Variants in CDC37L1 observed in about 807,000 individuals in gnomAD.
CDC37L1 encodes the protein hsp90 co-chaperone Cdc37-like 1.
A neutral mutation model predicts 45.9 loss-of-function variants in CDC37L1; 32 were observed. That is an observed-to-expected ratio of 0.70 (90% CI 0.53 to 0.94). CDC37L1 has a LOEUF of 0.94. Among genes scored for constraint, CDC37L1 ranks in the 40% least tolerant of loss-of-function variants. The pLI, the probability that CDC37L1 is intolerant of heterozygous loss-of-function variation, is 0.00. For synonymous variants in CDC37L1, 150 were observed against 133.0 expected (o/e 1.13, Z -0.88); for missense variants, 434 against 405.7 (o/e 1.07, Z -0.60).
At chr9:4,697,526 G>A (rs1443737014) in intron 4 of CDC37L1, among the ~76,000 whole-genome samples, 1 of 151,706 alleles carries the variant, frequency 6.6e-6, no homozygotes. Flanking sequence ...AATCCAGACG[G>A]TAATCATGGT....
chr9:4,683,028 TA>T (rs559681028), intron 1 of CDC37L1, among the ~76,000 whole-genome samples: 1,620 of 143,226 alleles, frequency 0.011, 33 homozygotes, highest in African/African-American at 0.039. Flanking sequence ...ATATATATTA[TA>T]TTTATATATA....
chr9:4,708,073 G>C lies in CDC37L1; in HGVS notation c.*1961G>C, dbSNP rs759234361. The C allele has an allele frequency of 1.6e-4, 25 of 152,322 alleles. No homozygotes were observed. Among genetic ancestry groups the C allele is most frequent in the Non-Finnish European group, 3.5e-4 (24 of 68,026 alleles). The allele number at this position is 152,322 out of a possible 1,614,324, so 9.4% of individuals were successfully genotyped here. A position where few individuals can be genotyped will look rare whatever the true frequency, so the allele number is the denominator to read the frequency against. On this transcript the variant is annotated 3_prime_UTR_variant, in exon 7 of 7. Transcript: ENST00000381854. ...TACTGTGTTTTGAGTATGAAAGTGTGATTGGGTCTGTTGTGGGAACCACTG... is the reference window on the plus strand; with the variant it reads ...TACTGTGTTTTGAGTATGAAAGTGTCATTGGGTCTGTTGTGGGAACCACTG...
chr9:4,697,996 A>T (rs376013391), intron 5 of CDC37L1, 117 bp downstream of exon 5: 1 of 950,116 alleles, frequency 1.1e-6, no homozygotes, highest in African/African-American at 1.7e-5. Flanking sequence ...AATTCTGTAG[A>T]TTTTCTTGTG....
At chr9:4,702,416 A>G (rs1183223976) in intron 6 of CDC37L1, among the ~76,000 whole-genome samples, 1 of 152,218 alleles carries the variant, frequency 6.6e-6, no homozygotes, top group Non-Finnish European at 1.5e-5. Flanking sequence ...GTGGACATGC[A>G]CATGGAACCA....
In CDC37L1 at chr9:4,697,201, A is replaced by C; in HGVS notation, c.614A>C (p.Glu205Ala). The C allele has an allele frequency of 6.9e-7, 1 of 1,445,070 alleles. No homozygotes were observed. The highest frequency in any genetic ancestry group is 9.7e-7 in the Non-Finnish European group (1 of 1,027,778). 89.5% of individuals were successfully genotyped at this position (1,445,070 alleles called of 1,614,324 possible). ...CTTATTTTATGGTGTTTTCACCTGG[A>C]AGCTGAGAAGGTATTATTATGTGAA... The part of the protein sequence containing the change: ...KYLILWCFHL[E>A]AEKKGALMEQ... Residue 205 changes from glutamate to alanine, a missense_variant, in exon 4 of 7, where the codon GAA becomes GCA. Coordinates refer to ENST00000381854, the MANE Select transcript of CDC37L1 (RefSeq NM_017913.4).
chr9:4,681,452 C>G (rs1841192773), intron 1 of CDC37L1, among the ~76,000 whole-genome samples: 1 of 152,148 alleles, frequency 6.6e-6, no homozygotes, highest in Non-Finnish European at 1.5e-5. Flanking sequence ...CGAGACCAGC[C>G]TGACCAACAT....
intron 6 of CDC37L1, chr9:4,703,035 T>C: frequency 4.0e-6 from 6 of 1,516,850 alleles, no homozygotes; most frequent in Non-Finnish European, 5.3e-6. Context: ...TCCTACCCAT[T>C]TGATTTTACT....
chr9:4,679,815 C>G lies in CDC37L1; in HGVS notation c.48C>G (p.Ala16=), dbSNP rs1841170093. Residue 16 remains alanine (A), a synonymous_variant, in exon 1 of 7, where the codon GCC becomes GCG. Transcript: ENST00000381854. ...CGGGACCCTGGAGCCTCCCTCGGGCCGAGGGTGAGGCTGAGGAAGAGAGTG... is the reference window on the plus strand; with the variant it reads ...CGGGACCCTGGAGCCTCCCTCGGGCGGAGGGTGAGGCTGAGGAAGAGAGTG... ...PPPGPWSLPR[A]EGEAEEESDF... The G allele has an allele frequency of 6.2e-7, 1 of 1,613,832 alleles. No individual in the cohort carries two copies. The highest frequency in any genetic ancestry group is 8.5e-7 in the Non-Finnish European group (1 of 1,179,914).
intron 6 of CDC37L1, chr9:4,703,135 T>A (rs1009553953): frequency 2.6e-6 from 4 of 1,517,188 alleles, no homozygotes; most frequent in Non-Finnish European, 3.5e-6. Context: ...GTTGTCTACA[T>A]TGTGAGAAGG....
chr9:4,701,812 G>A, intron 5 of CDC37L1, 52 bp from the exon 6 acceptor site: 1 of 1,379,840 alleles, frequency 7.2e-7, no homozygotes, highest in Non-Finnish European at 1.0e-6. Context: ...AATTTACTAT[G>A]TCTAGAAATC....
At chr9:4,703,526 A>G (rs1285241543) in intron 6 of CDC37L1, among the ~76,000 whole-genome samples, 1 of 152,180 alleles carries the variant, frequency 6.6e-6, no homozygotes, top group East Asian at 1.9e-4. Context: ...TTCAGTTCCT[A>G]AGAAATAGCC....
intron 3 of CDC37L1, among the ~76,000 whole-genome samples, chr9:4,696,075 C>T (rs557046015): frequency 1.3e-5 from 2 of 152,266 alleles, no homozygotes; most frequent in South Asian, 2.1e-4. Flanking sequence ...CATGAGCCAC[C>T]GTGGCTGGCC....
rs1841446571 is a variant in CDC37L1, at chr9:4,706,784, T to A, written c.*672T>A. 1 of 152,184 alleles carries A rather than the reference T, an allele frequency of 6.6e-6. No homozygotes were observed. The highest frequency in any genetic ancestry group is 1.5e-5 in the Non-Finnish European group (1 of 68,010). 9.4% of individuals were successfully genotyped at this position (152,184 alleles called of 1,614,324 possible). A position where few individuals can be genotyped will look rare whatever the true frequency, so the allele number is the denominator to read the frequency against. On this transcript the variant is annotated 3_prime_UTR_variant, in exon 7 of 7. Coordinates refer to ENST00000381854, the MANE Select transcript of CDC37L1 (RefSeq NM_017913.4). Reference sequence around the variant, plus strand: ...GAATTTGATTTTACCCTGCTGACTTTAAGAGTTATAATAATATCAAATGTG... The same window carrying A: ...GAATTTGATTTTACCCTGCTGACTTAAAGAGTTATAATAATATCAAATGTG...
At position 4,679,686 on chromosome 9, in the gene CDC37L1, C is replaced by G; in HGVS notation, c.-82C>G. On this transcript the variant is annotated 5_prime_UTR_variant, in exon 1 of 7. Transcript: ENST00000381854. ...CCCCGGCTGGGCTTCTGGCTCGGCG[C>G]AGCAGGTTCCATTCACGCCAAGTCT... The G allele has an allele frequency of 5.2e-6, 7 of 1,352,202 alleles. No homozygotes were observed. Among genetic ancestry groups the G allele is most frequent in the Non-Finnish European group, 6.0e-6 (6 of 993,956 alleles). The allele number at this position is 1,352,202 out of a possible 1,614,324, so 83.8% of individuals were successfully genotyped here.
At chr9:4,697,595 T>TAA (rs3215723) in intron 4 of CDC37L1, among the ~76,000 whole-genome samples, 162 bp from the exon 5 acceptor site, 3 of 148,924 alleles carry the variant, frequency 2.0e-5, no homozygotes, top group East Asian at 3.9e-4. Context: ...ATACAAATAA[T>TAA]AAAAAAAAAA....
intron 1 of CDC37L1, among the ~76,000 whole-genome samples, chr9:4,680,888 G>A (rs1269697325): frequency 6.6e-6 from 1 of 152,282 alleles, no homozygotes. Flanking sequence ...ACCAGTAAGC[G>A]TGACATTATC....
At chr9:4,684,834 TC>T (rs1195915869) in intron 1 of CDC37L1, 42 bp from the exon 2 acceptor site, 2 of 1,429,324 alleles carry the variant, frequency 1.4e-6, no homozygotes, top group Non-Finnish European at 2.0e-6. Flanking sequence ...TGCACAAACA[TC>T]CATTGCTTTC....
rs1296150446 is a variant in CDC37L1, at chr9:4,700,565, A to G, written c.748-1299A>G. On this transcript the variant is annotated intron_variant, in intron 5 of 6. Transcript: ENST00000381854. ...TAAAATAATGGAATGTGGCCAAATC[A>G]TATATATTGTTTGACATTTACTTTA... 2.0e-5 allele frequency among the ~76,000 whole-genome samples: 3 copies of G among 152,322 alleles called. No individual in the cohort carries two copies. The South Asian group carries it at 6.2e-4, about 32-fold the overall frequency.
At chr9:4,701,197 C>G (rs1393069691) in intron 5 of CDC37L1, among the ~76,000 whole-genome samples, 1 of 152,184 alleles carries the variant, frequency 6.6e-6, no homozygotes, top group Non-Finnish European at 1.5e-5. Context: ...TATCATTTCT[C>G]TATATTCAGA....
Sources: gnomAD v4.1 joint callset for allele counts (sites outside exome capture counted in the v4.1 genomes callset) on GRCh38, gnomAD v4.1.1 for gene constraint, MANE v1.5 for transcripts, NCBI Gene and HGNC (gene_info 2026-07-23, HGNC 2026-07-21) for gene names.